Variants in EYS observed in about 807,000 individuals in gnomAD.
EYS encodes the protein protein eyes shut homolog.
In EYS, 250 loss-of-function variants were observed where a neutral mutation model predicts 282.1. That is an observed-to-expected ratio of 0.89 (90% confidence interval 0.80 to 0.98). The LOEUF is 0.98. Ranked by LOEUF, EYS falls within the 50% of genes least tolerant of loss-of-function variation. The probability of loss-of-function intolerance (pLI) is 0.00; values close to 1 mark genes in which losing one functional copy is unlikely to be tolerated. For synonymous variants in EYS, 1,355 were observed against 1,282.9 expected (o/e 1.06, Z -1.20); for missense variants, 4,016 against 3,709.0 (o/e 1.08, Z -2.15).
At chr6:64,048,398 G>C (rs1174528847) in intron 33 of EYS, among the ~76,000 whole-genome samples, 1 of 152,050 alleles carries the variant, frequency 6.6e-6, no homozygotes, top group Admixed American at 6.6e-5. Flanking sequence ...GCATGGCTCT[G>C]TGCTTGGGTG....
chr6:64,144,854 G>A (rs1774458668), intron 31 of EYS, among the ~76,000 whole-genome samples: 2 of 152,054 alleles, frequency 1.3e-5, no homozygotes. Flanking sequence ...TGGAAAAAAT[G>A]CTCTTTTTTT....
chr6:64,475,237 A>G (rs999293065), intron 26 of EYS, among the ~76,000 whole-genome samples: 22 of 152,290 alleles, frequency 1.4e-4, no homozygotes, highest in African/African-American at 3.4e-4. Flanking sequence ...GTTCTACTTC[A>G]TAGTTTGCTC....
At chr6:63,843,928 G>T (rs1772030508) in intron 36 of EYS, among the ~76,000 whole-genome samples, 1 of 152,152 alleles carries the variant, frequency 6.6e-6, no homozygotes. Flanking sequence ...ATGCCATGGT[G>T]GTTTGCTGCA....
chr6:64,945,766 G>T (rs749642254), intron 15 of EYS, 27 bp downstream of exon 15: 46 of 1,544,582 alleles, frequency 3.0e-5, no homozygotes, highest in Middle Eastern at 1.7e-4. Flanking sequence ...GTAATTTCAT[G>T]AAGAAAGCTA....
chr6:64,893,728 C>T (rs1767363055), intron 18 of EYS, among the ~76,000 whole-genome samples: 1 of 151,846 alleles, frequency 6.6e-6, no homozygotes, highest in Admixed American at 6.6e-5. Context: ...ATATTTAACT[C>T]ATCTTAGTAT....
At chr6:64,961,209 C>T (rs546093511) in intron 14 of EYS, among the ~76,000 whole-genome samples, 1 of 152,158 alleles carries the variant, frequency 6.6e-6, no homozygotes, top group East Asian at 1.9e-4. Flanking sequence ...TCTGTCATTA[C>T]ATCATTGAGG....
intron 22 of EYS, among the ~76,000 whole-genome samples, chr6:64,793,024 T>C (rs1157549244): frequency 1.3e-5 from 2 of 152,094 alleles, no homozygotes; most frequent in Non-Finnish European, 2.9e-5. Context: ...TCAAAACTGA[T>C]GTATGAAAGT....
chr6:65,672,532 T>C (rs1768425206), intron 1 of EYS, among the ~76,000 whole-genome samples: 1 of 152,088 alleles, frequency 6.6e-6, no homozygotes, highest in African/African-American at 2.4e-5. Context: ...GGGCTACTTT[T>C]CAAATGCATA....
At chr6:64,452,109 C>A (rs1266588465) in intron 26 of EYS, among the ~76,000 whole-genome samples, 2 of 152,230 alleles carry the variant, frequency 1.3e-5, no homozygotes, top group African/African-American at 4.8e-5. Flanking sequence ...TCTAGAAAAC[C>A]CCTCGTCTCA....
At chr6:63,757,779 T>A (rs568824976) in intron 41 of EYS, among the ~76,000 whole-genome samples, 1 of 152,186 alleles carries the variant, frequency 6.6e-6, no homozygotes, top group Non-Finnish European at 1.5e-5. Context: ...TAAGGGAGGA[T>A]TCCAGAAGGA....
At chr6:63,770,018 C>A (rs1769892004) in intron 40 of EYS, among the ~76,000 whole-genome samples, 1 of 151,932 alleles carries the variant, frequency 6.6e-6, no homozygotes, top group Non-Finnish European at 1.5e-5. Context: ...AAAACATGGT[C>A]TTGTTCCCCA....
chr6:65,398,042 C>T (rs890365986), intron 7 of EYS, among the ~76,000 whole-genome samples: 5 of 151,806 alleles, frequency 3.3e-5, no homozygotes, highest in East Asian at 3.9e-4. Flanking sequence ...TTTTTGGCTG[C>T]TTTTATATCT....
intron 2 of EYS, among the ~76,000 whole-genome samples, chr6:65,508,883 A>G (rs1184484856): frequency 6.6e-6 from 1 of 152,042 alleles, no homozygotes; most frequent in Non-Finnish European, 1.5e-5. Flanking sequence ...CACTCCCTGG[A>G]TCCCACAGAA....
intron 12 of EYS, among the ~76,000 whole-genome samples, chr6:65,143,671 C>T (rs7762575): frequency 0.12 from 18,036 of 151,598 alleles, 1,407 homozygotes; most frequent in African/African-American, 0.22. Context: ...CATAGCTTCT[C>T]TTCACATTGT....
chr6:63,959,114 C>G (rs1765946979), intron 35 of EYS, among the ~76,000 whole-genome samples: 1 of 152,090 alleles, frequency 6.6e-6, no homozygotes, highest in Admixed American at 6.6e-5. Context: ...CTGCAATCTG[C>G]TTATCTGACA....
chr6:64,964,150 A>G (rs1213140187), intron 14 of EYS, among the ~76,000 whole-genome samples: 1 of 151,974 alleles, frequency 6.6e-6, no homozygotes, highest in East Asian at 1.9e-4. Context: ...AATAAGATCT[A>G]TATCATTTGG....
At chr6:65,677,105 G>GAAAAAAAAAAAAAAAA (rs58880200) in intron 1 of EYS, among the ~76,000 whole-genome samples, 1 of 107,674 alleles carries the variant, frequency 9.3e-6, no homozygotes, top group Non-Finnish European at 1.9e-5. Context: ...AGTCATTGGT[G>GAAAAAAAAAAAAAAAA]AAAAAAAAAA....
intron 26 of EYS, among the ~76,000 whole-genome samples, chr6:64,570,315 C>A (rs1299647772): frequency 6.6e-6 from 1 of 152,216 alleles, no homozygotes; most frequent in Non-Finnish European, 1.5e-5. Context: ...AAAGGAACAA[C>A]CGTTACCAGC....
intron 26 of EYS, among the ~76,000 whole-genome samples, chr6:64,469,900 T>A (rs1260163075): frequency 6.6e-6 from 1 of 152,156 alleles, no homozygotes; most frequent in Non-Finnish European, 1.5e-5. Flanking sequence ...TAGATAATAG[T>A]AGCAAAATTA....
Sources: allele counts gnomAD v4.1 joint callset (sites outside exome capture counted in the v4.1 genomes callset), GRCh38; gene constraint gnomAD v4.1.1; transcripts MANE v1.5; gene names NCBI Gene and HGNC (gene_info 2026-07-23, HGNC 2026-07-21).